The following NALF1 variants were observed in gnomAD, a reference collection of about 807,000 sequenced individuals.
NALF1 encodes family with sequence similarity 155 member A.
NALF1 carries 3 observed loss-of-function variants against 48.4 expected under a neutral mutation model. That is an observed-to-expected ratio of 0.06 (90% CI 0.03 to 0.16). NALF1 has a LOEUF of 0.16. NALF1 is among the 10% of genes least tolerant of loss of function. The pLI, the probability that NALF1 is intolerant of heterozygous loss-of-function variation, is 1.00. For synonymous variants in NALF1, 262 were observed against 245.7 expected (o/e 1.07, Z -0.62); for missense variants, 526 against 571.5 (o/e 0.92, Z 0.81).
At chr13:107,607,521 T>C (rs73595230) in intron 1 of NALF1, among the ~76,000 whole-genome samples, 6,524 of 152,286 alleles carry the variant, frequency 0.043, 226 homozygotes, top group African/African-American at 0.1. Flanking sequence ...AATAAAGTTG[T>C]TGTTGTTGTT....
At chr13:107,420,680 T>C (rs1409446271) in intron 1 of NALF1, among the ~76,000 whole-genome samples, 2 of 152,166 alleles carry the variant, frequency 1.3e-5, no homozygotes, top group Non-Finnish European at 2.9e-5. Context: ...ATCATACATA[T>C]ACCCATACAA....
In NALF1 at chr13:107,629,036, T is replaced by C. The variant is rs187377873; in HGVS notation, c.915+236646A>G. 4.9e-3 allele frequency among the ~76,000 whole-genome samples: 745 copies of C among 152,280 alleles called. 1 individual carries two copies. The highest frequency in any genetic ancestry group is 7.1e-3 in the Non-Finnish European group (481 of 68,012). On this transcript the variant is annotated intron_variant, in intron 1 of 2. Transcript: ENST00000375915. The stretch of plus-strand genomic sequence containing the variant: ...CTTAGAAGAAGTTGTATTTCCTACT[T>C]TCTTATCCACGTCTTGTACTCTTAC...
intron 1 of NALF1, among the ~76,000 whole-genome samples, chr13:107,230,986 G>A (rs551856984): frequency 2.2e-4 from 33 of 150,756 alleles, no homozygotes; most frequent in Admixed American, 1.9e-3. Flanking sequence ...CTTGAGCCTG[G>A]GAGGTTGAGG....
At chr13:107,823,588 G>A (rs1220335348) in intron 1 of NALF1, among the ~76,000 whole-genome samples, 2 of 138,936 alleles carry the variant, frequency 1.4e-5, no homozygotes, top group African/African-American at 5.7e-5. Flanking sequence ...CGTGGCCTCC[G>A]CTCCCACTCC....
intron 1 of NALF1, among the ~76,000 whole-genome samples, chr13:107,532,646 G>A (rs1876677528): frequency 6.6e-6 from 1 of 151,780 alleles, no homozygotes; most frequent in Non-Finnish European, 1.5e-5. Flanking sequence ...TTTGACTTGA[G>A]GTATTTCAAA....
intron 1 of NALF1, among the ~76,000 whole-genome samples, chr13:107,631,267 T>C (rs558975198): frequency 1.3e-5 from 2 of 152,154 alleles, no homozygotes; most frequent in Non-Finnish European, 2.9e-5. Context: ...GTGCTTGCTA[T>C]ACTGGAGACC....
intron 1 of NALF1, among the ~76,000 whole-genome samples, chr13:107,741,889 G>A (rs1252761208): frequency 6.6e-6 from 1 of 152,196 alleles, no homozygotes. Flanking sequence ...GAAAGACATG[G>A]ACGTGGATAG....
chr13:107,391,222 AAAC>A (rs751781015), intron 1 of NALF1, among the ~76,000 whole-genome samples: 86 of 152,184 alleles, frequency 5.7e-4, no homozygotes, highest in Admixed American at 1.6e-3. Context: ...AGATGATAGA[AAAC>A]TGCTGAGGAC....
intron 1 of NALF1, among the ~76,000 whole-genome samples, chr13:107,440,504 A>G (rs1884540172): frequency 6.6e-6 from 1 of 152,194 alleles, no homozygotes; most frequent in Non-Finnish European, 1.5e-5. Context: ...GCAGCAGAAG[A>G]CATTTTTTAA....
At chr13:107,631,249 C>T (rs909356471) in intron 1 of NALF1, among the ~76,000 whole-genome samples, 3 of 152,086 alleles carry the variant, frequency 2.0e-5, no homozygotes, top group African/African-American at 4.8e-5. Flanking sequence ...ATAAGACCTG[C>T]CAAGATTGTG....
intron 1 of NALF1, among the ~76,000 whole-genome samples, chr13:107,826,080 T>C (rs1879507609): frequency 6.6e-6 from 1 of 152,164 alleles, no homozygotes; most frequent in South Asian, 2.1e-4. Context: ...TGCCCAGCCT[T>C]ATAACGAGTA....
At chr13:107,481,073 T>A (rs1480006834) in intron 1 of NALF1, among the ~76,000 whole-genome samples, 4 of 152,190 alleles carry the variant, frequency 2.6e-5, no homozygotes, top group African/African-American at 7.2e-5. Context: ...TTTGACAATC[T>A]GAAGAGGTTT....
At chr13:107,682,748 G>A (rs1167728695) in intron 1 of NALF1, among the ~76,000 whole-genome samples, 1 of 152,096 alleles carries the variant, frequency 6.6e-6, no homozygotes, top group African/African-American at 2.4e-5. Context: ...TGTCCTCCTA[G>A]GCAGGGGTCC....
rs189457085 is a variant in NALF1, at chr13:107,662,721, A to C, written c.915+202961T>G. 4.7e-4 allele frequency among the ~76,000 whole-genome samples: 71 copies of C among 152,298 alleles called. No individual in the cohort carries two copies. In the East Asian group the frequency reaches 0.012, roughly 26 times the overall value. Reference sequence around the variant, plus strand: ...AAAAAATGTTAGCAAATTAACAGTAAAGAAATTTTTAAAAGGGAACTGTAT... The same window carrying C: ...AAAAAATGTTAGCAAATTAACAGTACAGAAATTTTTAAAAGGGAACTGTAT... On this transcript the variant is annotated intron_variant, in intron 1 of 2. Transcript: ENST00000375915.
intron 1 of NALF1, among the ~76,000 whole-genome samples, chr13:107,854,625 C>T (rs1277075986): frequency 1.3e-5 from 2 of 152,116 alleles, no homozygotes; most frequent in Non-Finnish European, 2.9e-5. Context: ...GTAATCTCAA[C>T]ACTTTGGGAG....
chr13:107,799,506 A>G (rs1878536541), intron 1 of NALF1, among the ~76,000 whole-genome samples: 1 of 152,180 alleles, frequency 6.6e-6, no homozygotes, highest in Non-Finnish European at 1.5e-5. Flanking sequence ...CAGCTTTTCT[A>G]CATCACATCC....
intron 1 of NALF1, among the ~76,000 whole-genome samples, chr13:107,310,262 T>A (rs1882018698): frequency 6.6e-6 from 1 of 151,804 alleles, no homozygotes; most frequent in African/African-American, 2.4e-5. Flanking sequence ...ATACAAAAAT[T>A]AGCCGGGCGT....
At chr13:107,288,735 G>A (rs1416720199) in intron 1 of NALF1, among the ~76,000 whole-genome samples, 1 of 151,548 alleles carries the variant, frequency 6.6e-6, no homozygotes, top group Non-Finnish European at 1.5e-5. Context: ...GTTTCGCCAT[G>A]TTGGTCAGGC....
intron 1 of NALF1, among the ~76,000 whole-genome samples, chr13:107,803,857 CA>C (rs1193754733): frequency 1.3e-5 from 2 of 151,972 alleles, no homozygotes; most frequent in Admixed American, 6.5e-5. Flanking sequence ...CAAGGACACA[CA>C]GGTAAAATGA....
Sources: gnomAD v4.1 joint callset for allele counts (sites outside exome capture counted in the v4.1 genomes callset) on GRCh38, gnomAD v4.1.1 for gene constraint, MANE v1.5 for transcripts, NCBI Gene and HGNC (gene_info 2026-07-23, HGNC 2026-07-21) for gene names.